The following HIPK3 variants were observed in gnomAD, a reference collection of about 807,000 sequenced individuals.
The protein encoded by HIPK3 is homeodomain interacting protein kinase 3.
Under a neutral mutation model 124.2 loss-of-function variants are expected in HIPK3, and 47 were observed. The observed-to-expected ratio is 0.38, with a 90% CI of 0.30 to 0.48. HIPK3 has a LOEUF of 0.48. Ranked by LOEUF, HIPK3 falls within the 20% of genes least tolerant of loss-of-function variation. HIPK3 has a pLI of 0.98. For synonymous variants in HIPK3, 482 were observed against 515.2 expected (o/e 0.94, Z 0.87); for missense variants, 1,286 against 1,454.3 (o/e 0.88, Z 1.88).
intron 1 of HIPK3, among the ~76,000 whole-genome samples, chr11:33,263,777 C>T (rs1850885821): frequency 6.6e-6 from 1 of 152,144 alleles, no homozygotes; most frequent in African/African-American, 2.4e-5. Flanking sequence ...AAATCCCTCC[C>T]CCAACCCCTT....
rs1224861305 is a variant in HIPK3, at chr11:33,262,668, G to T, written c.-3+4779G>T. ...GGCAGTTAATGCCAAGTTAGTACTTGAGAAGGCTCTTTTCAACAGAAAGTC... is the reference window on the plus strand; with the variant it reads ...GGCAGTTAATGCCAAGTTAGTACTTTAGAAGGCTCTTTTCAACAGAAAGTC... On this transcript the variant is annotated intron_variant, in intron 1 of 16. Coordinates refer to ENST00000303296, the MANE Select transcript of HIPK3 (RefSeq NM_005734.5). Among the ~76,000 whole-genome samples, 3 of 152,204 alleles carry T rather than the reference G, an allele frequency of 2.0e-5. No individual in the cohort carries two copies. The South Asian group carries it at 6.2e-4, about 31-fold the overall frequency.
intron 1 of HIPK3, among the ~76,000 whole-genome samples, chr11:33,274,409 T>C (rs1386789293): frequency 6.6e-6 from 1 of 152,196 alleles, no homozygotes; most frequent in African/African-American, 2.4e-5. Flanking sequence ...AGCAATACAT[T>C]TGGCTTTCTA....
intron 6 of HIPK3, among the ~76,000 whole-genome samples, chr11:33,340,400 C>G (rs570295635): frequency 6.6e-6 from 1 of 152,178 alleles, no homozygotes; most frequent in Non-Finnish European, 1.5e-5. Flanking sequence ...CTTTGAACCT[C>G]AGACATATTT....
In HIPK3 at chr11:33,348,597, C is replaced by T. The variant is rs139123780; in HGVS notation, c.2445C>T (p.Val815=). 2.4e-5 allele frequency: 38 copies of T among 1,613,444 alleles called. No individual in the cohort carries two copies. The Admixed American group carries it at 3.0e-4, about 13-fold the overall frequency. ...ISPKIINGKD[V]EEVSCIETQD... ...CAAAGATAATTAATGGGAAAGATGT[C>T]GAGGAAGTAAGTTGTATAGAAACAC... The change falls in exon 13 of 17, where the codon GTC becomes GTT. Residue 815 remains valine (V), a synonymous_variant. Transcript: ENST00000303296.
intron 2 of HIPK3, among the ~76,000 whole-genome samples, chr11:33,314,489 C>T (rs1852439086): frequency 6.6e-6 from 1 of 152,082 alleles, no homozygotes; most frequent in Non-Finnish European, 1.5e-5. Context: ...CCCGTCTCTA[C>T]TAAAAATACA....
At chr11:33,309,913 A>T (rs1441283186) in intron 2 of HIPK3, among the ~76,000 whole-genome samples, 2 of 152,240 alleles carry the variant, frequency 1.3e-5, no homozygotes, top group African/African-American at 4.8e-5. Flanking sequence ...TCAAGTTATG[A>T]GTAGCCATTT....
Position 33,311,932 on chromosome 11 carries a change from C to CAT in HIPK3, c.1098-16577_1098-16576insTA, listed in dbSNP as rs1209768394. ...TTCTACACACACACACACACACACA[C>CAT]ACACTACACACACACACGGGCAACA... On this transcript the variant is annotated intron_variant, in intron 2 of 16. Coordinates refer to ENST00000303296, the MANE Select transcript of HIPK3 (RefSeq NM_005734.5). Among the ~76,000 whole-genome samples, 5 of 143,468 alleles carry CAT rather than the reference C, an allele frequency of 3.5e-5. No individual in the cohort carries two copies. The South Asian group carries it at 9.1e-4, about 26-fold the overall frequency. 94.1% of individuals were successfully genotyped at this position (143,468 alleles called of 152,430 possible). A position where few individuals can be genotyped will look rare whatever the true frequency, so the allele number is the denominator to read the frequency against.
rs533238085 is a variant in HIPK3, at chr11:33,356,997, G to C, written c.*3429G>C. 1 of 152,024 alleles carries C rather than the reference G, an allele frequency of 6.6e-6. No homozygotes were observed. The highest frequency in any genetic ancestry group is 1.5e-5 in the Non-Finnish European group (1 of 67,978). 9.4% of individuals were successfully genotyped at this position (152,024 alleles called of 1,614,324 possible). ...TGGTGTATTACTGTCGATTCACTTT[G>C]AATTAAAATATATATATTGCAGCAA... On this transcript the variant is annotated 3_prime_UTR_variant, in exon 17 of 17. Coordinates refer to ENST00000303296, the MANE Select transcript of HIPK3 (RefSeq NM_005734.5).
chr11:33,332,407 A>G (rs1373749159), intron 3 of HIPK3, among the ~76,000 whole-genome samples: 5 of 152,202 alleles, frequency 3.3e-5, no homozygotes, highest in Non-Finnish European at 7.3e-5. Flanking sequence ...TTCTATTTAC[A>G]GGACTTATAT....
At chr11:33,318,383 AGTTTTAGG>A (rs1238574908) in intron 2 of HIPK3, among the ~76,000 whole-genome samples, 3 of 152,144 alleles carry the variant, frequency 2.0e-5, no homozygotes, top group Admixed American at 6.6e-5. Flanking sequence ...AAAGTCCAGT[AGTTTTAGG>A]GATCATAGGA....
chr11:33,331,424 A>T (rs1852980153), intron 3 of HIPK3, among the ~76,000 whole-genome samples: 1 of 152,168 alleles, frequency 6.6e-6, no homozygotes, highest in Non-Finnish European at 1.5e-5. Flanking sequence ...TCTAGGCTGG[A>T]ATGCAGTGGC....
chr11:33,338,830 A>G lies in HIPK3; in HGVS notation c.1415A>G (p.Asp472Gly). Reference protein sequence around the residue: ...EARKYIFNSLDDVAHVNTVMD... With the variant: ...EARKYIFNSLGDVAHVNTVMD... Reference sequence around the variant, plus strand: ...AGAAAATACATTTTCAACAGTCTGGATGATGTAGCGCATGTGAGTACCATA... The same window carrying G: ...AGAAAATACATTTTCAACAGTCTGGGTGATGTAGCGCATGTGAGTACCATA... Residue 472 changes from aspartate (D) to glycine (G), a missense_variant, in exon 5 of 17, where the codon GAT becomes GGT. By Grantham distance (94) the Asp-to-Gly change is moderately conservative (BLOSUM62 -1). This residue lies in a region of HIPK3 where 251 missense variants were observed against 349.1 expected (regional missense o/e 0.72). Transcript: ENST00000303296. 3 of 1,611,454 alleles carry G rather than the reference A, an allele frequency of 1.9e-6. No homozygotes were observed. The highest frequency in any genetic ancestry group is 2.5e-6 in the Non-Finnish European group (3 of 1,177,926).
chr11:33,265,787 A>G (rs1330165826), intron 1 of HIPK3, among the ~76,000 whole-genome samples: 1 of 149,238 alleles, frequency 6.7e-6, no homozygotes, highest in Admixed American at 6.7e-5. Flanking sequence ...AAAAAAAAAA[A>G]AAAAAAAAGC....
chr11:33,351,583 C>A (rs146506131), intron 14 of HIPK3, 25 bp from the exon 15 acceptor site: 1 of 1,537,110 alleles, frequency 6.5e-7, no homozygotes, highest in Admixed American at 1.7e-5. Flanking sequence ...AAATATCACT[C>A]ATAAAAAATG....
At chr11:33,259,367 T>A (rs1850762712) in intron 1 of HIPK3, among the ~76,000 whole-genome samples, 1 of 152,228 alleles carries the variant, frequency 6.6e-6, no homozygotes, top group Non-Finnish European at 1.5e-5. Flanking sequence ...TCTGCTTATG[T>A]TTGCAAGTGC....
In HIPK3 at chr11:33,347,581, A is replaced by G. The variant is rs150649867; in HGVS notation, c.2020-48A>G. The G allele has an allele frequency of 3.4e-4, 537 of 1,594,642 alleles. 5 individuals carry two copies. In the East Asian group the frequency reaches 0.011, roughly 33 times the overall value. Reference sequence around the variant, plus strand: ...TGAGTTTAAGATATGGTAAAGTTCAATTACTTATAACTTGTTATTTTCTAT... The same window carrying G: ...TGAGTTTAAGATATGGTAAAGTTCAGTTACTTATAACTTGTTATTTTCTAT... On this transcript the variant is annotated intron_variant, in intron 9 of 16. Transcript: ENST00000303296.
At chr11:33,310,404 C>G (rs768056833) in intron 2 of HIPK3, among the ~76,000 whole-genome samples, 4 of 152,112 alleles carry the variant, frequency 2.6e-5, no homozygotes, top group African/African-American at 4.8e-5. Context: ...ATCCCAGGTT[C>G]AAGTGATTCT....
At position 33,341,505 on chromosome 11, in the gene HIPK3, A is replaced by T. The variant is rs113283960; in HGVS notation, c.1774-58A>T. 215 of 1,453,300 alleles carry T rather than the reference A, an allele frequency of 1.5e-4. No individual in the cohort carries two copies. The African/African-American group carries it at 2.8e-3, about 19-fold the overall frequency. The allele number at this position is 1,453,300 out of a possible 1,614,324, so 90.0% of individuals were successfully genotyped here. A position where few individuals can be genotyped will look rare whatever the true frequency, so the allele number is the denominator to read the frequency against. ...TAAGAAATGTGTTTGAATTCTATTT[A>T]TACAGCGTGTATATTTCATTTAGAA... On this transcript the variant is annotated intron_variant, in intron 7 of 16. Coordinates refer to ENST00000303296, the MANE Select transcript of HIPK3 (RefSeq NM_005734.5).
At chr11:33,266,725 CAAAA>C (rs909884126) in intron 1 of HIPK3, among the ~76,000 whole-genome samples, 2 of 151,730 alleles carry the variant, frequency 1.3e-5, no homozygotes, top group South Asian at 2.1e-4. Context: ...AACAAACAAA[CAAAA>C]AACCAAAAAA....
Sources: allele counts gnomAD v4.1 joint callset (sites outside exome capture counted in the v4.1 genomes callset), GRCh38; gene constraint gnomAD v4.1.1; regional missense constraint gnomAD v4.1.1; transcripts MANE v1.5; gene names NCBI Gene and HGNC (gene_info 2026-07-23, HGNC 2026-07-21).